The following OGA variants were observed in gnomAD, a reference collection of about 807,000 sequenced individuals.
The protein encoded by OGA is protein O-GlcNAcase.
Under a neutral mutation model 102.0 loss-of-function variants are expected in OGA, and 21 were observed. The ratio of observed to expected loss-of-function variants is 0.21; its 90% CI spans 0.15 to 0.30. The LOEUF is 0.30. Ranked by LOEUF, OGA falls within the 10% of genes least tolerant of loss-of-function variation. OGA has a pLI of 1.00. For synonymous variants in OGA, 408 were observed against 378.2 expected, an observed-to-expected ratio of 1.08 and a Z score of -0.91; for missense variants, 765 against 1,107.8, an observed-to-expected ratio of 0.69 and a Z score of 4.39.
chr10:101,802,282 C>T (rs946849747), intron 7 of OGA, among the ~76,000 whole-genome samples: 2 of 152,218 alleles, frequency 1.3e-5, no homozygotes, highest in African/African-American at 2.4e-5. Flanking sequence ...TCACTCTCTC[C>T]CGTGTTCACA....
rs1330083663 is a variant in OGA at position 101,807,856 on chromosome 10, T to C, written c.526A>G (p.Ile176Val). ...TCTGCTGCACACATATTATGGTCTATATCATCAAAAAGCAAAGCAAATGAT... is the reference window on the plus strand; with the variant it reads ...TCTGCTGCACACATATTATGGTCTACATCATCAAAAAGCAAAGCAAATGAT... ...CRSFALLFDD[I>V]DHNMCAADKE... is the part of the protein sequence containing the mutation. Residue 176 changes from isoleucine (I) to valine (V), a missense_variant, in exon 5 of 16, where the codon ATA becomes GTA. Around this residue, in one of 7 missense-constraint regions of OGA, gnomAD observed 165 missense variants for 249.7 expected, o/e 0.66. Transcript: ENST00000361464. 6.3e-7 allele frequency: 1 copy of C among 1,597,670 alleles called. No individual in the cohort carries two copies. Among genetic ancestry groups the C allele is most frequent in the South Asian group, 1.1e-5 (1 of 87,684 alleles).
chr10:101,807,223 A>G (rs1564648040), intron 5 of OGA, among the ~76,000 whole-genome samples: 1 of 152,220 alleles, frequency 6.6e-6, no homozygotes, highest in Non-Finnish European at 1.5e-5. Context: ...AATTTTGAGA[A>G]GCAACTAAGA....
rs958623320 is a variant in OGA, at chr10:101,810,127, T to A, written c.480+57A>T. 3 of 1,459,946 alleles carry A rather than the reference T, an allele frequency of 2.1e-6. No individual in the cohort carries two copies. In the Admixed American group the frequency reaches 6.5e-5, roughly 31 times the overall value. 90.4% of individuals were successfully genotyped at this position (1,459,946 alleles called of 1,614,324 possible). A position where few individuals can be genotyped will look rare whatever the true frequency, so the allele number is the denominator to read the frequency against. On this transcript the variant is annotated intron_variant, in intron 4 of 15. Coordinates refer to ENST00000361464, the MANE Select transcript of OGA (RefSeq NM_012215.5). ...TTTTAACATCGTAAAAGCAACTGAGTAAACTTCTAGTTTCAAGTACATAGT... is the reference window on the plus strand; with the variant it reads ...TTTTAACATCGTAAAAGCAACTGAGAAAACTTCTAGTTTCAAGTACATAGT...
intron 10 of OGA, chr10:101,797,492 G>C (rs1188961787): frequency 6.1e-6 from 1 of 163,700 alleles, no homozygotes; most frequent in Admixed American, 6.2e-5. Flanking sequence ...AATAGCACCA[G>C]AATAGCCTTA....
At chr10:101,807,603 T>C in intron 5 of OGA, 127 bp downstream of exon 5, 1 of 662,964 alleles carries the variant, frequency 1.5e-6, no homozygotes, top group East Asian at 3.1e-5. Context: ...AAATGTCTTC[T>C]AAAAAAAGAT....
At chr10:101,787,766 C>G in intron 14 of OGA, 2 of 404,920 alleles carry the variant, frequency 4.9e-6, no homozygotes, top group Non-Finnish European at 4.6e-6. Flanking sequence ...CGCGCTCTCT[C>G]TCTCTCTCTC....
intron 10 of OGA, chr10:101,797,306 C>T (rs1308468477): frequency 1.3e-5 from 2 of 151,864 alleles, no homozygotes; most frequent in Non-Finnish European, 2.9e-5. Flanking sequence ...GAAACTTGGC[C>T]ATGCTGGTGC....
At chr10:101,810,534 C>T (rs957805003) in intron 3 of OGA, among the ~76,000 whole-genome samples, 1 of 152,192 alleles carries the variant, frequency 6.6e-6, no homozygotes, top group African/African-American at 2.4e-5. Flanking sequence ...AGTTTTCACA[C>T]CTTTGAAATC....
chr10:101,800,314 T>C lies in OGA; in HGVS notation c.1123A>G (p.Ser375Gly). The change falls in exon 8 of 16, where the codon AGT becomes GGT. Residue 375 changes from serine to glycine, a missense_variant. This residue lies in a region of OGA where 281 missense variants were observed against 345.8 expected (regional missense o/e 0.81). Coordinates refer to ENST00000361464, the MANE Select transcript of OGA (RefSeq NM_012215.5). ...GCTAGCTTTAGAGCCATCTGTGGAC[T>C]ATAGAGTACATCAGTTTCAATATCT... Reference protein sequence around the residue: ...DEDIETDVLYSPQMALKLALT... With the variant: ...DEDIETDVLYGPQMALKLALT... 6.2e-7 allele frequency: 1 copy of C among 1,613,716 alleles called. No homozygotes were observed. The highest frequency in any genetic ancestry group is 8.5e-7 in the Non-Finnish European group (1 of 1,179,538).
At position 101,787,419 on chromosome 10, in the gene OGA, G is replaced by A. The variant is rs773311470; in HGVS notation, c.2559C>T (p.Asp853=). 7.4e-6 allele frequency: 12 copies of A among 1,613,958 alleles called. No individual in the cohort carries two copies. Among genetic ancestry groups the A allele is most frequent in the Non-Finnish European group, 1.0e-5 (12 of 1,179,968 alleles). The part of the protein sequence containing the change: ...IKMDIHKKVT[D]PSVAKSMMAC... ...CCATCATGCTTTTGGCCACACTTGG[G>A]TCAGTTACTTTTTTGTGAATGTCCA... The change falls in exon 15 of 16, where the codon GAC becomes GAT. Residue 853 remains aspartate (D), a synonymous_variant. Transcript: ENST00000361464.
At chr10:101,805,158 C>T (rs2065451387) in intron 6 of OGA, among the ~76,000 whole-genome samples, 1 of 151,268 alleles carries the variant, frequency 6.6e-6, no homozygotes, top group Admixed American at 6.6e-5. Flanking sequence ...CACCTCAGCC[C>T]CCTAAGTAGC....
chr10:101,792,353 C>T (rs563915931), intron 12 of OGA, among the ~76,000 whole-genome samples: 1 of 152,296 alleles, frequency 6.6e-6, no homozygotes, highest in Admixed American at 6.5e-5. Context: ...GTTGCCTAGG[C>T]TGGTCTTGAA....
rs780117971 is a variant in OGA at position 101,818,001 on chromosome 10, C to G, written c.22G>C (p.Ala8Pro). Residue 8 changes from alanine (A) to proline (P), a missense_variant, in exon 1 of 16, where the codon GCG becomes CCG. By Grantham distance (27) the Ala-to-Pro change is conservative. This residue lies in a region of OGA where 117 missense variants were observed against 85.7 expected (regional missense o/e 1.36). Coordinates refer to ENST00000361464, the MANE Select transcript of OGA (RefSeq NM_012215.5). MVQKESQ[A>P]TLEERESELS... ...TCGCTCTCCCGCTCCTCCAACGTCG[C>G]TTGACTCTCCTTCTGCACCATCCTC... The G allele has an allele frequency of 6.2e-7, 1 of 1,602,730 alleles. No individual in the cohort carries two copies. Among genetic ancestry groups the G allele is most frequent in the Non-Finnish European group, 8.5e-7 (1 of 1,172,228 alleles).
At chr10:101,792,472 T>C (rs2065270943) in intron 12 of OGA, 1 of 163,412 alleles carries the variant, frequency 6.1e-6, no homozygotes. Flanking sequence ...CTTGCTTTTT[T>C]CTTTAGCTGA....
intron 14 of OGA, among the ~76,000 whole-genome samples, chr10:101,789,217 G>A (rs1383487019): frequency 1.3e-5 from 2 of 152,224 alleles, no homozygotes; most frequent in African/African-American, 4.8e-5. Flanking sequence ...AAGAAAATGA[G>A]GCCAGGCGCG....
At chr10:101,791,854 G>T (rs1406359051) in intron 12 of OGA, among the ~76,000 whole-genome samples, 1 of 149,488 alleles carries the variant, frequency 6.7e-6, no homozygotes, top group Non-Finnish European at 1.5e-5. Flanking sequence ...TTTTTGAGAC[G>T]GAGTCTCTGT....
At chr10:101,796,230 T>G (rs905031501) in intron 10 of OGA, among the ~76,000 whole-genome samples, 2 of 152,000 alleles carry the variant, frequency 1.3e-5, no homozygotes, top group African/African-American at 4.8e-5. Flanking sequence ...AGCCTAAGGG[T>G]AGATGTCTCC....
chr10:101,818,010 C>T lies in OGA; in HGVS notation c.13G>A (p.Glu5Lys). MVQK[E>K]SQATLEERES... Reference sequence around the variant, plus strand: ...CGCTCCTCCAACGTCGCTTGACTCTCCTTCTGCACCATCCTCCTGCCCCCG... The same window carrying T: ...CGCTCCTCCAACGTCGCTTGACTCTTCTTCTGCACCATCCTCCTGCCCCCG... The change falls in exon 1 of 16, where the codon GAG becomes AAG. Residue 5 changes from glutamate (E) to lysine (K), a missense_variant. Physicochemically the swap from Glu to Lys is moderately conservative, Grantham distance 56. Transcript: ENST00000361464. The T allele has an allele frequency of 6.3e-7, 1 of 1,591,976 alleles. No individual in the cohort carries two copies. The highest frequency in any genetic ancestry group is 8.6e-7 in the Non-Finnish European group (1 of 1,164,280).
chr10:101,815,100 G>A (rs1298185245), intron 1 of OGA, among the ~76,000 whole-genome samples: 5 of 152,214 alleles, frequency 3.3e-5, no homozygotes, highest in African/African-American at 4.8e-5. Context: ...CTACATAAGA[G>A]ACTAGTCTAA....
Sources: allele counts gnomAD v4.1 joint callset (sites outside exome capture counted in the v4.1 genomes callset), GRCh38; gene constraint gnomAD v4.1.1; regional missense constraint gnomAD v4.1.1; transcripts MANE v1.5; gene names NCBI Gene and HGNC (gene_info 2026-07-23, HGNC 2026-07-21).